The following DACH1 variants were observed in gnomAD, a reference collection of about 807,000 sequenced individuals.
DACH1 encodes dachshund family transcription factor 1.
Under a neutral mutation model 54.2 loss-of-function variants are expected in DACH1, and 12 were observed. The ratio of observed to expected loss-of-function variants is 0.22; its 90% CI spans 0.14 to 0.36. The LOEUF (loss-of-function observed/expected upper bound fraction) is 0.36, where lower values mean the gene tolerates loss of function less well. Ranked by LOEUF, DACH1 falls within the 10% of genes least tolerant of loss-of-function variation. The probability of loss-of-function intolerance (pLI) is 1.00; values close to 1 mark genes in which losing one functional copy is unlikely to be tolerated. For synonymous variants in DACH1, 386 were observed against 366.2 expected, an observed-to-expected ratio of 1.05 and a Z score of -0.62; for missense variants, 805 against 929.8, an observed-to-expected ratio of 0.87 and a Z score of 1.75.
chr13:71,445,081 GC>G (rs1874330952), intron 10 of DACH1, among the ~76,000 whole-genome samples: 1 of 152,040 alleles, frequency 6.6e-6, no homozygotes, highest in Non-Finnish European at 1.5e-5. Context: ...CCCACGATAA[GC>G]CCCGTGGAAG....
intron 10 of DACH1, among the ~76,000 whole-genome samples, chr13:71,471,316 G>A (rs1392322100): frequency 6.6e-6 from 1 of 152,006 alleles, no homozygotes; most frequent in Non-Finnish European, 1.5e-5. Flanking sequence ...GGCTTGGGGA[G>A]AGGGGAGAGG....
In DACH1 at chr13:71,587,379, G is replaced by T. The variant is rs921559732; in HGVS notation, c.1127-14367C>A. ...TTTGATTTATGTAAGAGACAGCAGT[G>T]GATAATGCCCCTTTTGAAGTTTCAC... On this transcript the variant is annotated intron_variant, in intron 3 of 10. Transcript: ENST00000613252. Among the ~76,000 whole-genome samples, 8 of 151,836 alleles carry T rather than the reference G, an allele frequency of 5.3e-5. No homozygotes were observed. The East Asian group carries it at 5.8e-4, about 11-fold the overall frequency.
At chr13:71,643,505 G>A (rs182776490) in intron 2 of DACH1, among the ~76,000 whole-genome samples, 11 of 152,238 alleles carry the variant, frequency 7.2e-5, no homozygotes, top group East Asian at 1.9e-4. Flanking sequence ...CAGTCCACAC[G>A]GAGTCTGTTG....
intron 6 of DACH1, among the ~76,000 whole-genome samples, chr13:71,541,215 A>T (rs577234760): frequency 4.6e-5 from 7 of 152,200 alleles, no homozygotes; most frequent in Middle Eastern, 3.4e-3. Context: ...TTACTTCAGA[A>T]TACTTTACAA....
intron 10 of DACH1, among the ~76,000 whole-genome samples, chr13:71,466,051 A>C (rs913264159): frequency 7.9e-5 from 12 of 152,082 alleles, no homozygotes; most frequent in African/African-American, 2.7e-4. Context: ...TTCTTCCTTA[A>C]ATTTCTAAAT....
At chr13:71,733,289 G>A (rs1883834373) in intron 1 of DACH1, among the ~76,000 whole-genome samples, 1 of 152,090 alleles carries the variant, frequency 6.6e-6, no homozygotes, top group Non-Finnish European at 1.5e-5. Context: ...TGCCTCTTGA[G>A]TAGCTGGGAC....
At chr13:71,593,294 G>A (rs1029615313) in intron 3 of DACH1, among the ~76,000 whole-genome samples, 2 of 152,072 alleles carry the variant, frequency 1.3e-5, no homozygotes, top group African/African-American at 4.8e-5. Flanking sequence ...TGAAAATGAT[G>A]TTCCAATTGT....
In DACH1 at chr13:71,559,834, G is replaced by T; in HGVS notation, c.1421C>A (p.Ser474Tyr). The change falls in exon 5 of 11, where the codon TCT (serine) becomes TAT (tyrosine). Residue 474 changes from serine (S) to tyrosine (Y), a missense_variant. Physicochemically the swap from Ser to Tyr is moderately radical, Grantham distance 144 (BLOSUM62 -2). Coordinates refer to ENST00000613252, the MANE Select transcript of DACH1 (RefSeq NM_080759.6). ...VSSSPARTESSSDRIPVHQNG... is the reference protein window; with the variant it reads ...VSSSPARTESYSDRIPVHQNG... The stretch of plus-strand genomic sequence containing the variant: ...ATGAGACCTACGGATTCTGTCAGAA[G>T]AGCTCTCAGTCCGAGCAGGGGAGCT... 6.2e-7 allele frequency: 1 copy of T among 1,613,794 alleles called. No homozygotes were observed. The highest frequency in any genetic ancestry group is 8.5e-7 in the Non-Finnish European group (1 of 1,179,928).
chr13:71,706,318 G>A (rs189245655), intron 1 of DACH1, among the ~76,000 whole-genome samples: 1 of 151,814 alleles, frequency 6.6e-6, no homozygotes, highest in African/African-American at 2.4e-5. Context: ...TAAGAACTTA[G>A]TATTAATTGA....
chr13:71,801,856 A>G (rs1887302819), intron 1 of DACH1, among the ~76,000 whole-genome samples: 1 of 152,040 alleles, frequency 6.6e-6, no homozygotes, highest in African/African-American at 2.4e-5. Context: ...AAAAGAAAAA[A>G]AAAAAAAAAC....
At chr13:71,813,829 A>G (rs1361654939) in intron 1 of DACH1, among the ~76,000 whole-genome samples, 2 of 152,158 alleles carry the variant, frequency 1.3e-5, no homozygotes, top group Admixed American at 6.5e-5. Context: ...AAAATAAGAC[A>G]TTAGTAGTGA....
intron 1 of DACH1, among the ~76,000 whole-genome samples, chr13:71,812,444 C>G (rs1887748670): frequency 1.3e-5 from 2 of 151,932 alleles, no homozygotes; most frequent in South Asian, 2.1e-4. Flanking sequence ...GACACATTAC[C>G]TTTATTCCAA....
In DACH1 at chr13:71,836,308, T is replaced by C. The variant is rs139355492; in HGVS notation, c.848+29614A>G. 5.8e-3 allele frequency among the ~76,000 whole-genome samples: 887 copies of C among 152,162 alleles called. 3 individuals carry two copies. The highest frequency in any genetic ancestry group is 8.7e-3 in the Non-Finnish European group (589 of 67,950). ...AATAAAAATTAATAGTCAATGTTTA[T>C]TGAGTGGTTATTATGTCTCTCACTG... On this transcript the variant is annotated intron_variant, in intron 1 of 10. Coordinates refer to ENST00000613252, the MANE Select transcript of DACH1 (RefSeq NM_080759.6).
intron 1 of DACH1, among the ~76,000 whole-genome samples, chr13:71,760,133 A>T (rs1250607299): frequency 6.6e-6 from 1 of 152,162 alleles, no homozygotes; most frequent in African/African-American, 2.4e-5. Context: ...TACTCCTCTT[A>T]GTTCTTTTCA....
Position 71,865,881 on chromosome 13 carries a change from G to T in DACH1, c.848+41C>A, listed in dbSNP as rs765515814. ...GCGAGGGCAGGCGAGCAGGCTGGTG[G>T]GAAGGGGCGCGGGCGGCGGGGGCTA... On this transcript the variant is annotated intron_variant, in intron 1 of 10. Transcript: ENST00000613252. 3 of 1,541,034 alleles carry T rather than the reference G, an allele frequency of 1.9e-6. No individual in the cohort carries two copies. In the South Asian group the frequency reaches 3.7e-5, roughly 19 times the overall value.
intron 1 of DACH1, among the ~76,000 whole-genome samples, chr13:71,718,379 G>A (rs940357398): frequency 2.0e-5 from 3 of 151,970 alleles, no homozygotes; most frequent in Non-Finnish European, 4.4e-5. Flanking sequence ...GAGCTCAGGA[G>A]TTCAAGACCA....
chr13:71,824,737 A>G lies in DACH1; in HGVS notation c.848+41185T>C, dbSNP rs186148330. ...ATCAAAAGAGTTATTCTCACTCCTT[A>G]CTACTCTCAGGGAGTAGTTTACACA... On this transcript the variant is annotated intron_variant, in intron 1 of 10. Transcript: ENST00000613252. 2.4e-3 allele frequency among the ~76,000 whole-genome samples: 360 copies of G among 152,098 alleles called. 5 individuals are homozygous for G. Among genetic ancestry groups the G allele is most frequent in the East Asian group, 5.4e-3 (28 of 5,186 alleles).
intron 1 of DACH1, among the ~76,000 whole-genome samples, chr13:71,785,022 A>G (rs1886534231): frequency 1.3e-5 from 2 of 152,164 alleles, no homozygotes; most frequent in Non-Finnish European, 2.9e-5. Context: ...AATGGGATTC[A>G]GGGGAAATAA....
intron 1 of DACH1, among the ~76,000 whole-genome samples, chr13:71,758,798 T>C (rs1885277295): frequency 6.6e-6 from 1 of 152,210 alleles, no homozygotes; most frequent in Admixed American, 6.5e-5. Flanking sequence ...TTTCTACGGG[T>C]AATTCCATGC....
Sources: allele counts gnomAD v4.1 joint callset (sites outside exome capture counted in the v4.1 genomes callset), GRCh38; gene constraint gnomAD v4.1.1; transcripts MANE v1.5; gene names NCBI Gene and HGNC (gene_info 2026-07-23, HGNC 2026-07-21).